The following LDB3 variants were observed in gnomAD, a reference collection of about 807,000 sequenced individuals.
LDB3 encodes LIM domain-binding protein 3.
LDB3 carries 49 observed loss-of-function variants against 69.0 expected under a neutral mutation model. That is an observed-to-expected ratio of 0.71 (90% CI 0.56 to 0.90). LDB3 has a LOEUF of 0.90. Ranked by LOEUF, LDB3 falls within the 40% of genes least tolerant of loss-of-function variation. LDB3 has a pLI of 0.00. For missense variants in LDB3, 928 were observed against 974.1 expected, an observed-to-expected ratio of 0.95 and a Z score of 0.63; for synonymous variants, 387 against 396.2, an observed-to-expected ratio of 0.98 and a Z score of 0.28.
intron 7 of LDB3, among the ~76,000 whole-genome samples, chr10:86,702,063 T>C (rs1029580090): frequency 1.3e-5 from 2 of 152,144 alleles, no homozygotes; most frequent in Admixed American, 6.5e-5. Flanking sequence ...CCCTGAGCCA[T>C]AGTCACCAGG....
At chr10:86,671,875 G>A (rs1043254899) in intron 2 of LDB3, among the ~76,000 whole-genome samples, 1 of 152,212 alleles carries the variant, frequency 6.6e-6, no homozygotes, top group African/African-American at 2.4e-5. Context: ...CACTTTGGGA[G>A]GCCGAGGGGG....
intron 12 of LDB3, among the ~76,000 whole-genome samples, chr10:86,724,874 T>C (rs1847204692): frequency 6.6e-6 from 1 of 152,164 alleles, no homozygotes; most frequent in South Asian, 2.1e-4. Context: ...ATTATTCCCA[T>C]TATATAGATG....
At chr10:86,724,586 G>A (rs796119753) in intron 12 of LDB3, among the ~76,000 whole-genome samples, 4 of 151,622 alleles carry the variant, frequency 2.6e-5, no homozygotes, top group African/African-American at 7.3e-5. Flanking sequence ...CCTGGTGACA[G>A]AGTGAGACTC....
intron 9 of LDB3, among the ~76,000 whole-genome samples, chr10:86,712,977 C>G (rs1460507121): frequency 6.6e-6 from 1 of 152,058 alleles, no homozygotes; most frequent in South Asian, 2.1e-4. Context: ...AGGAGAATCA[C>G]TTGAACCCAG....
At chr10:86,683,348 T>C (rs918435505) in intron 5 of LDB3, among the ~76,000 whole-genome samples, 1 of 152,226 alleles carries the variant, frequency 6.6e-6, no homozygotes, top group African/African-American at 2.4e-5. Flanking sequence ...TTTTCCCCAT[T>C]TTATAGCTGG....
chr10:86,694,699 TGTAGCA>T (rs1490408127), intron 7 of LDB3, among the ~76,000 whole-genome samples: 1 of 152,148 alleles, frequency 6.6e-6, no homozygotes, highest in African/African-American at 2.4e-5. Flanking sequence ...GTGCAGTGGG[TGTAGCA>T]GTTCTAATCT....
chr10:86,674,034 G>T (rs1844633777), intron 2 of LDB3, among the ~76,000 whole-genome samples: 1 of 152,092 alleles, frequency 6.6e-6, no homozygotes, highest in African/African-American at 2.4e-5. Context: ...GGGACAGCAG[G>T]CTGGCTCAGA....
At chr10:86,719,809 G>T (rs763257059) in intron 12 of LDB3, among the ~76,000 whole-genome samples, 4 of 152,188 alleles carry the variant, frequency 2.6e-5, no homozygotes, top group Non-Finnish European at 5.9e-5. Flanking sequence ...GTAAATTATT[G>T]TAAATTCAAG....
At position 86,711,010 on chromosome 10, in the gene LDB3, G is replaced by C. The variant is rs745682472; in HGVS notation, c.1231+960G>C. Among the ~76,000 whole-genome samples, 126 of 152,324 alleles carry C rather than the reference G, an allele frequency of 8.3e-4. 1 individual carries two copies. The highest frequency in any genetic ancestry group is 1.0e-3 in the Non-Finnish European group (68 of 68,024). ...CTACAGAGAAGGGGCAAGGATAGAC[G>C]GTTCTGAGGTGAAAACTCCGCAGGG... On this transcript the variant is annotated intron_variant, in intron 9 of 13. Coordinates refer to ENST00000361373, the MANE Select transcript of LDB3 (RefSeq NM_007078.3).
intron 5 of LDB3, among the ~76,000 whole-genome samples, chr10:86,686,863 G>A (rs1845502872): frequency 6.6e-6 from 1 of 151,988 alleles, no homozygotes; most frequent in Admixed American, 6.6e-5. Flanking sequence ...GGCTTTGGGG[G>A]AGGGTGCCAA....
At position 86,674,446 on chromosome 10, in the gene LDB3, G is replaced by A. The variant is rs146242569; in HGVS notation, c.94-4921G>A. ...TGGGCTGCCCTTGGAAGTGCCCTAAGACCTTGGCCCAGCAAGGCGGAAGGG... is the reference window on the plus strand; with the variant it reads ...TGGGCTGCCCTTGGAAGTGCCCTAAAACCTTGGCCCAGCAAGGCGGAAGGG... On this transcript the variant is annotated intron_variant, in intron 2 of 13. Coordinates refer to ENST00000361373, the MANE Select transcript of LDB3 (RefSeq NM_007078.3). Among the ~76,000 whole-genome samples the A allele has an allele frequency of 2.0e-5, 3 of 152,212 alleles. No homozygotes were observed. In the East Asian group the frequency reaches 5.8e-4, roughly 30 times the overall value.
chr10:86,679,723 C>T (rs532098363), intron 3 of LDB3, among the ~76,000 whole-genome samples: 85 of 152,360 alleles, frequency 5.6e-4, no homozygotes, highest in African/African-American at 2.0e-3. Context: ...TACTGCCTCA[C>T]TTTACAGTTA....
chr10:86,682,173 T>A (rs1246451051), intron 5 of LDB3, among the ~76,000 whole-genome samples: 1 of 152,102 alleles, frequency 6.6e-6, no homozygotes, highest in Non-Finnish European at 1.5e-5. Context: ...GCCTGCAGCC[T>A]TCAAGAGCTA....
At chr10:86,722,556 G>GGCCAATTCAA in intron 12 of LDB3, among the ~76,000 whole-genome samples, 1 of 130,664 alleles carries the variant, frequency 7.7e-6, no homozygotes, top group Non-Finnish European at 1.6e-5. Context: ...CACCGTGCCT[G>GGCCAATTCAA]GCCTTTTTTT....
At chr10:86,686,992 T>G in intron 5 of LDB3, 1 of 1,403,682 alleles carries the variant, frequency 7.1e-7, no homozygotes. Flanking sequence ...GCCCTTGCCT[T>G]GGCCACCCAT....
At position 86,699,602 on chromosome 10, in the gene LDB3, C is replaced by CG; in HGVS notation, c.897-6928dup. The CG allele has an allele frequency of 7.2e-7, 1 of 1,396,840 alleles. No individual in the cohort carries two copies. Among genetic ancestry groups the CG allele is most frequent in the Non-Finnish European group, 9.3e-7 (1 of 1,073,684 alleles). The allele number at this position is 1,396,840 out of a possible 1,614,324, so 86.5% of individuals were successfully genotyped here. On this transcript the variant is annotated intron_variant, in intron 7 of 13. Transcript: ENST00000361373. The surrounding 1 kb of genome is among the most constrained non-coding windows in gnomAD (Gnocchi z 4.9). Reference sequence around the variant, plus strand: ...CACCAAACCTCCCCAGGGCAACCCTCGCCACCCCCCAAATAGCCCGTAGCC... The same window carrying CG: ...CACCAAACCTCCCCAGGGCAACCCTCGGCCACCCCCCAAATAGCCCGTAGCC...
chr10:86,720,448 A>AG (rs1318224366), intron 12 of LDB3, among the ~76,000 whole-genome samples: 1 of 151,800 alleles, frequency 6.6e-6, no homozygotes, highest in African/African-American at 2.4e-5. Context: ...CATCTGAAAA[A>AG]AAAAAGAAAG....
At chr10:86,695,227 T>C (rs1845946592) in intron 7 of LDB3, among the ~76,000 whole-genome samples, 1 of 152,206 alleles carries the variant, frequency 6.6e-6, no homozygotes, top group African/African-American at 2.4e-5. Flanking sequence ...GCAGGGGCTC[T>C]GGGACCTCGA....
intron 7 of LDB3, among the ~76,000 whole-genome samples, chr10:86,702,855 T>C (rs1846315046): frequency 6.6e-6 from 1 of 152,198 alleles, no homozygotes; most frequent in Non-Finnish European, 1.5e-5. Flanking sequence ...TTGGTGTCTT[T>C]AGACAGTGTG....
Sources: allele counts gnomAD v4.1 joint callset (sites outside exome capture counted in the v4.1 genomes callset), GRCh38; gene constraint gnomAD v4.1.1; non-coding constraint Gnocchi (gnomAD v3.1); transcripts MANE v1.5; gene names NCBI Gene and HGNC (gene_info 2026-07-23, HGNC 2026-07-21).